The following ARHGAP15 variants were observed in gnomAD, a reference collection of about 807,000 sequenced individuals.
ARHGAP15 encodes the protein rho GTPase-activating protein 15.
ARHGAP15 carries 51 observed loss-of-function variants against 63.7 expected under a neutral mutation model. That is an observed-to-expected ratio of 0.80 (90% CI 0.64 to 1.01). The LOEUF (loss-of-function observed/expected upper bound fraction) is 1.01. ARHGAP15 is among the 50% of genes least tolerant of loss of function. The pLI, the probability that ARHGAP15 is intolerant of heterozygous loss-of-function variation, is 0.00. For synonymous variants in ARHGAP15, 191 were observed against 193.8 expected (o/e 0.99, Z 0.12); for missense variants, 560 against 564.6 (o/e 0.99, Z 0.08).
chr2:143,666,872 A>C (rs1179933758), intron 12 of ARHGAP15, among the ~76,000 whole-genome samples: 1 of 148,816 alleles, frequency 6.7e-6, no homozygotes, highest in African/African-American at 2.6e-5. Context: ...GCAATGAGAT[A>C]CCATCTCACA....
intron 11 of ARHGAP15, among the ~76,000 whole-genome samples, chr2:143,566,703 T>C (rs7601537): frequency 1 from 152,107 of 152,116 alleles, 76,049 homozygotes; most frequent in Middle Eastern, 1. Context: ...TCCTGTCTAC[T>C]GGAAATGAGT....
At chr2:143,710,181 G>A (rs1684517327) in intron 13 of ARHGAP15, among the ~76,000 whole-genome samples, 1 of 151,404 alleles carries the variant, frequency 6.6e-6, no homozygotes, top group Non-Finnish European at 1.5e-5. Flanking sequence ...CTCTTTTCCT[G>A]TGGGACACGG....
At chr2:143,190,786 A>G (rs35713119) in intron 2 of ARHGAP15, among the ~76,000 whole-genome samples, 1 of 151,990 alleles carries the variant, frequency 6.6e-6, no homozygotes, top group Non-Finnish European at 1.5e-5. Context: ...ACTTCTTTGT[A>G]ATTAATACCT....
chr2:143,514,071 C>A (rs1019589021), intron 9 of ARHGAP15, among the ~76,000 whole-genome samples: 1 of 152,040 alleles, frequency 6.6e-6, no homozygotes, highest in African/African-American at 2.4e-5. Flanking sequence ...TACAATAAAC[C>A]CTCACTATTT....
chr2:143,667,858 T>G (rs1682305657), intron 12 of ARHGAP15, among the ~76,000 whole-genome samples: 3 of 151,946 alleles, frequency 2.0e-5, no homozygotes, highest in Admixed American at 2.0e-4. Context: ...CTTGGTGGCA[T>G]GTGCCTGTTG....
chr2:143,276,130 A>C (rs1047590666), intron 6 of ARHGAP15, among the ~76,000 whole-genome samples: 1 of 152,240 alleles, frequency 6.6e-6, no homozygotes, highest in Non-Finnish European at 1.5e-5. Flanking sequence ...AAAATTAAAC[A>C]TAACTTAGAC....
rs75362656 is a variant in ARHGAP15, at chr2:143,340,015, A to G, written c.474+89415A>G. Among the ~76,000 whole-genome samples the G allele has an allele frequency of 7.7e-3, 1,178 of 152,252 alleles. 9 individuals are homozygous for G. Among genetic ancestry groups the G allele is most frequent in the South Asian group, 0.032 (152 of 4,824 alleles). Reference sequence around the variant, plus strand: ...ACGTCTCAGACTCACATAACCCAACATTAGTGTTCTTTCTTTCTCTTTGAA... The same window carrying G: ...ACGTCTCAGACTCACATAACCCAACGTTAGTGTTCTTTCTTTCTCTTTGAA... On this transcript the variant is annotated intron_variant, in intron 6 of 13. Transcript: ENST00000295095.
In ARHGAP15 at chr2:143,220,558, C is replaced by T. The variant is rs568963066; in HGVS notation, c.296+4113C>T. On this transcript the variant is annotated intron_variant, in intron 4 of 13. Coordinates refer to ENST00000295095, the MANE Select transcript of ARHGAP15 (RefSeq NM_018460.4). The stretch of plus-strand genomic sequence containing the variant: ...AAATGCTAAGCCTGCATTACTTGAT[C>T]AAATCACACGACCATTTTAAATGAA... 2.1e-3 allele frequency among the ~76,000 whole-genome samples: 317 copies of T among 152,238 alleles called. 2 individuals carry two copies. In the Middle Eastern group the frequency reaches 0.048, roughly 23 times the overall value.
chr2:143,531,851 T>A (rs771770839), intron 10 of ARHGAP15, among the ~76,000 whole-genome samples: 1 of 152,214 alleles, frequency 6.6e-6, no homozygotes, highest in African/African-American at 2.4e-5. Context: ...TCCAGCAAAA[T>A]CTCATAAACG....
At chr2:143,502,916 T>G (rs532102463) in intron 9 of ARHGAP15, among the ~76,000 whole-genome samples, 1 of 152,254 alleles carries the variant, frequency 6.6e-6, no homozygotes, top group African/African-American at 2.4e-5. Flanking sequence ...CAGATGCAAC[T>G]CTCTGAGAAG....
At chr2:143,287,636 A>G (rs1574215741) in intron 6 of ARHGAP15, among the ~76,000 whole-genome samples, 1 of 151,766 alleles carries the variant, frequency 6.6e-6, no homozygotes, top group Non-Finnish European at 1.5e-5. Flanking sequence ...TGAAACCCCA[A>G]CTCTACTAAA....
intron 12 of ARHGAP15, among the ~76,000 whole-genome samples, chr2:143,700,470 T>C (rs1160623305): frequency 6.6e-6 from 1 of 152,188 alleles, no homozygotes; most frequent in Non-Finnish European, 1.5e-5. Context: ...GTCCCTTTTT[T>C]GGAGACTCTG....
intron 13 of ARHGAP15, among the ~76,000 whole-genome samples, chr2:143,757,409 G>C (rs1025275224): frequency 4.6e-5 from 7 of 152,136 alleles, no homozygotes; most frequent in African/African-American, 1.4e-4. Flanking sequence ...TACTTGGGAG[G>C]CTGAGGCATG....
intron 6 of ARHGAP15, among the ~76,000 whole-genome samples, chr2:143,334,509 T>C (rs1684687623): frequency 1.3e-5 from 2 of 152,194 alleles, no homozygotes; most frequent in African/African-American, 4.8e-5. Flanking sequence ...ATTAAAATAC[T>C]ATAACCTGCT....
At chr2:143,560,257 AATG>A (rs1386665727) in intron 11 of ARHGAP15, among the ~76,000 whole-genome samples, 1 of 152,218 alleles carries the variant, frequency 6.6e-6, no homozygotes, top group South Asian at 2.1e-4. Flanking sequence ...TATAACTAGT[AATG>A]ATGATAATAG....
intron 6 of ARHGAP15, among the ~76,000 whole-genome samples, chr2:143,401,441 T>C (rs570505697): frequency 6.6e-6 from 1 of 152,156 alleles, no homozygotes; most frequent in East Asian, 1.9e-4. Context: ...GTGGGAATAT[T>C]ACATACAGCC....
intron 6 of ARHGAP15, among the ~76,000 whole-genome samples, chr2:143,373,829 C>A (rs1031511456): frequency 5.9e-5 from 9 of 151,840 alleles, no homozygotes; most frequent in African/African-American, 9.7e-5. Flanking sequence ...ATAAATATGA[C>A]TTAACATACT....
At chr2:143,215,735 A>G (rs1692732250) in intron 3 of ARHGAP15, among the ~76,000 whole-genome samples, 1 of 152,198 alleles carries the variant, frequency 6.6e-6, no homozygotes, top group Non-Finnish European at 1.5e-5. Flanking sequence ...ACCTCCGCAA[A>G]CACTTCTGCG....
At chr2:143,523,098 C>T (rs1163357417) in intron 10 of ARHGAP15, among the ~76,000 whole-genome samples, 5 of 152,114 alleles carry the variant, frequency 3.3e-5, no homozygotes, top group South Asian at 2.1e-4. Context: ...TTATACAGCA[C>T]GTGACACCTT....
Sources: gnomAD v4.1 joint callset for allele counts (sites outside exome capture counted in the v4.1 genomes callset) on GRCh38, gnomAD v4.1.1 for gene constraint, MANE v1.5 for transcripts, NCBI Gene and HGNC (gene_info 2026-07-23, HGNC 2026-07-21) for gene names.